The following PIGA variants were observed in gnomAD, a reference collection of about 807,000 sequenced individuals.
PIGA encodes the protein phosphatidylinositol N-acetylglucosaminyltransferase subunit A.
In PIGA, 3 loss-of-function variants were observed where a neutral mutation model predicts 17.1. That is an observed-to-expected ratio of 0.18 (90% CI 0.08 to 0.45). The LOEUF (loss-of-function observed/expected upper bound fraction) is 0.45. PIGA is among the 20% of genes least tolerant of loss of function. The pLI, the probability that PIGA is intolerant of heterozygous loss-of-function variation, is 0.99. For missense variants in PIGA, 231 were observed against 374.1 expected (o/e 0.62, Z 3.16); for synonymous variants, 126 against 135.1 (o/e 0.93, Z 0.47).
chrX:15,322,908 TAA>T (rs1205603420), intron 5 of PIGA, among the ~76,000 whole-genome samples: 1 of 112,185 alleles, frequency 8.9e-6, no homozygotes, highest in Non-Finnish European at 1.9e-5. Context: ...GTCATAGGGT[TAA>T]AAGAGTAACT....
intron 5 of PIGA, among the ~76,000 whole-genome samples, chrX:15,322,935 T>C (rs1921860675): frequency 8.9e-6 from 1 of 112,213 alleles, no homozygotes; most frequent in Non-Finnish European, 1.9e-5. Context: ...ACTGACTTTT[T>C]TGTCCAGCTT....
At chrX:15,321,981 C>G (rs1332795607) in intron 5 of PIGA, among the ~76,000 whole-genome samples, 1 of 111,816 alleles carries the variant, frequency 8.9e-6, no homozygotes, top group Non-Finnish European at 1.9e-5. Flanking sequence ...TTATTGGGTA[C>G]TTATTCTGGG....
Position 15,331,853 on chromosome X carries a change from G to A in PIGA, c.78C>T (p.Tyr26=). ...TATTATGGGTACGGGTTCTACATGTGTAAAGACTTCCAGGGCTAACCCGAG... is the reference window on the plus strand; with the variant it reads ...TATTATGGGTACGGGTTCTACATGTATAAAGACTTCCAGGGCTAACCCGAG... ...TLSRVSPGSL[Y]TCRTRTHNIC... is the part of the protein sequence containing the mutation. Residue 26 remains tyrosine (Y), a synonymous_variant, in exon 2 of 6, where the codon TAC becomes TAT. Coordinates refer to ENST00000333590, the MANE Select transcript of PIGA (RefSeq NM_002641.4). 2.5e-6 allele frequency: 3 copies of A among 1,211,830 alleles called. No homozygotes were observed. The highest frequency in any genetic ancestry group is 3.4e-6 in the Non-Finnish European group (3 of 895,476).
In PIGA at chrX:15,321,463, G is replaced by A. The variant is rs373138445; in HGVS notation, c.*43C>T. 3.6e-6 allele frequency: 4 copies of A among 1,117,778 alleles called. No homozygotes were observed. Among genetic ancestry groups the A allele is most frequent in the Non-Finnish European group, 4.9e-6 (4 of 820,135 alleles). 92.1% of individuals were successfully genotyped at this position (1,117,778 alleles called of 1,213,427 possible). ...AAGGTTATTTTCCATAGTCTTTATA[G>A]AACTATTACAAATGTTTAAAATCTT... On this transcript the variant is annotated 3_prime_UTR_variant, in exon 6 of 6. Coordinates refer to ENST00000333590, the MANE Select transcript of PIGA (RefSeq NM_002641.4).
intron 3 of PIGA, 49 bp from the exon 4 acceptor site, chrX:15,325,201 A>G (rs770182050): frequency 9.1e-7 from 1 of 1,096,242 alleles, no homozygotes; most frequent in East Asian, 3.1e-5. Flanking sequence ...CTCATGCTAC[A>G]AAAGAAATTT....
At chrX:15,327,972 TAAG>T (rs1922037651) in intron 2 of PIGA, 1 of 112,004 alleles carries the variant, frequency 8.9e-6, no homozygotes, top group African/African-American at 3.2e-5. Context: ...CTGGAGCCTC[TAAG>T]AAGGGTATAA....
At chrX:15,330,652 G>C (rs1922127524) in intron 2 of PIGA, among the ~76,000 whole-genome samples, 1 of 111,296 alleles carries the variant, frequency 9.0e-6, no homozygotes, top group Admixed American at 9.5e-5. Flanking sequence ...GCCCAGGCTG[G>C]AGTGCAGTGG....
intron 5 of PIGA, among the ~76,000 whole-genome samples, chrX:15,323,418 T>C (rs749926056): frequency 9.0e-6 from 1 of 110,703 alleles, no homozygotes; most frequent in African/African-American, 3.3e-5. Flanking sequence ...TAGGGAGTGG[T>C]TGGGGAGGCA....
In PIGA at chrX:15,319,701, C is replaced by T. The variant is rs1193818258; in HGVS notation, c.*1805G>A. Reference sequence around the variant, plus strand: ...CAGAAAGGTTGAAAATTAAGATTTACGTGAAACAAATTTACTTCCATTTGT... The same window carrying T: ...CAGAAAGGTTGAAAATTAAGATTTATGTGAAACAAATTTACTTCCATTTGT... On this transcript the variant is annotated 3_prime_UTR_variant, in exon 6 of 6. Coordinates refer to ENST00000333590, the MANE Select transcript of PIGA (RefSeq NM_002641.4). 5.8e-5 allele frequency: 6 copies of T among 103,059 alleles called. No individual in the cohort carries two copies. In the East Asian group the frequency reaches 8.8e-4, roughly 15 times the overall value. The allele number at this position is 103,059 out of a possible 1,213,427, so 8.5% of individuals were successfully genotyped here.
chrX:15,331,493 C>A lies in PIGA; in HGVS notation c.438G>T (p.Gly146=). 8.3e-7 allele frequency: 1 copy of A among 1,212,042 alleles called. No homozygotes were observed. Among genetic ancestry groups the A allele is most frequent in the Non-Finnish European group, 1.1e-6 (1 of 895,513 alleles). The part of the protein sequence containing the change: ...HDALFHAKTM[G]LQTVFTDHSL... ...AATGGTCCGTGAAGACTGTCTGAAG[C>A]CCCATTGTCTTGGCGTGGAAGAGAG... Residue 146 remains glycine (G), a synonymous_variant, in exon 2 of 6, where the codon GGG becomes GGT. Transcript: ENST00000333590.
rs774644659 is a variant in PIGA, at chrX:15,321,756, G to A, written c.1205C>T (p.Ser402Leu). The stretch of plus-strand genomic sequence containing the variant: ...GTCCATTGGCAACACAGCTTCCACT[G>A]ATACCCGGTCATATACCTGGAGGGA... Reference protein sequence around the residue: ...ERTEKVYDRVSVEAVLPMDKR... With the variant: ...ERTEKVYDRVLVEAVLPMDKR... The change falls in exon 6 of 6, where the codon TCA becomes TTA. Residue 402 changes from serine to leucine, a missense_variant. Coordinates refer to ENST00000333590, the MANE Select transcript of PIGA (RefSeq NM_002641.4). The A allele has an allele frequency of 8.3e-7, 1 of 1,210,274 alleles. No homozygotes were observed. The highest frequency in any genetic ancestry group is 1.8e-5 in the South Asian group (1 of 56,946).
In PIGA at chrX:15,323,241, G is replaced by A. The variant is rs1288362390; in HGVS notation, c.1188+1424C>T. On this transcript the variant is annotated intron_variant, in intron 5 of 5. Coordinates refer to ENST00000333590, the MANE Select transcript of PIGA (RefSeq NM_002641.4). Reference sequence around the variant, plus strand: ...ACCTACAGTGGCTCAGGCTTCTGGGGTTTATACGATGTCAATGAAGAAGGT... The same window carrying A: ...ACCTACAGTGGCTCAGGCTTCTGGGATTTATACGATGTCAATGAAGAAGGT... 3.6e-5 allele frequency among the ~76,000 whole-genome samples: 4 copies of A among 111,656 alleles called. No individual in the cohort carries two copies. In the South Asian group the frequency reaches 1.5e-3, roughly 42 times the overall value.
At chrX:15,330,591 T>G (rs1460475114) in intron 2 of PIGA, among the ~76,000 whole-genome samples, 2 of 111,718 alleles carry the variant, frequency 1.8e-5, no homozygotes, top group East Asian at 5.6e-4. Context: ...ATCTGTGAGC[T>G]CTGCCCTTTA....
At chrX:15,322,842 C>A (rs1335540899) in intron 5 of PIGA, among the ~76,000 whole-genome samples, 1 of 111,807 alleles carries the variant, frequency 8.9e-6, no homozygotes, top group East Asian at 2.8e-4. Context: ...ATTTCATGAT[C>A]GATTTCCTAA....
chrX:15,335,309 G>C (rs1486945900), intron 1 of PIGA, 192 bp downstream of exon 1: 1 of 346,595 alleles, frequency 2.9e-6, no homozygotes, highest in Non-Finnish European at 4.6e-6. Context: ...CCTGAGCCAA[G>C]GAACCCAGCG....
In PIGA at chrX:15,319,522, T is replaced by C. The variant is rs765630620; in HGVS notation, c.*1984A>G. 3.5e-4 allele frequency: 39 copies of C among 112,303 alleles called. No homozygotes were observed. Among genetic ancestry groups the C allele is most frequent in the Non-Finnish European group, 6.2e-4 (33 of 53,269 alleles). 9.3% of individuals were successfully genotyped at this position (112,303 alleles called of 1,213,427 possible). On this transcript the variant is annotated 3_prime_UTR_variant, in exon 6 of 6. Coordinates refer to ENST00000333590, the MANE Select transcript of PIGA (RefSeq NM_002641.4). ...CATGTTTTAACAAATCAGTTTTTCA[T>C]AGGCAACCTTTTGAAACATCAAAAG...
rs760771145 is a variant in PIGA, at chrX:15,322,000, C to T, written c.1189-228G>A. On this transcript the variant is annotated intron_variant, in intron 5 of 5. Transcript: ENST00000333590. ...TGGGTACTTATTCTGGGCAAGACAC[C>T]GGGCTAGAGGCTGTGTGATACAAAG... Among the ~76,000 whole-genome samples, 7 of 111,710 alleles carry T rather than the reference C, an allele frequency of 6.3e-5. No individual in the cohort carries two copies. In the South Asian group the frequency reaches 1.5e-3, roughly 24 times the overall value.
intron 1 of PIGA, chrX:15,335,221 A>G (rs1231522592): frequency 3.5e-6 from 1 of 286,208 alleles, no homozygotes; most frequent in Admixed American, 6.2e-5. Flanking sequence ...AGGCCCAAAG[A>G]GAGAAAGAAA....
rs1921790661 is a variant in PIGA at position 15,320,976 on chromosome X, A to C, written c.*530T>G. 1 of 113,528 alleles carries C rather than the reference A, an allele frequency of 8.8e-6. No homozygotes were observed. Among genetic ancestry groups the C allele is most frequent in the African/African-American group, 3.3e-5 (1 of 30,766 alleles). 9.4% of individuals were successfully genotyped at this position (113,528 alleles called of 1,213,427 possible). A position where few individuals can be genotyped will look rare whatever the true frequency, so the allele number is the denominator to read the frequency against. On this transcript the variant is annotated 3_prime_UTR_variant, in exon 6 of 6. Coordinates refer to ENST00000333590, the MANE Select transcript of PIGA (RefSeq NM_002641.4). ...GTGCTGGTAACTGATGGACTATCTT[A>C]CTCAAGGAACCTGTTAATTACATGT...
Sources: gnomAD v4.1 joint callset for allele counts (sites outside exome capture counted in the v4.1 genomes callset) on GRCh38, gnomAD v4.1.1 for gene constraint, MANE v1.5 for transcripts, NCBI Gene and HGNC (gene_info 2026-07-23, HGNC 2026-07-21) for gene names.